MAML3: variants seen among roughly 807,000 people sequenced by gnomAD.
The protein encoded by MAML3 is mastermind like transcriptional coactivator 3, also known as mastermind-like protein 3.
A neutral mutation model predicts 101.9 loss-of-function variants in MAML3; 27 were observed. The observed-to-expected ratio is 0.27, with a 90% CI of 0.20 to 0.37. The LOEUF (loss-of-function observed/expected upper bound fraction) is 0.37, where lower values mean the gene tolerates loss of function less well. MAML3 is among the 10% of genes least tolerant of loss of function. MAML3 has a pLI of 1.00. For synonymous variants in MAML3, 501 were observed against 555.9 expected (o/e 0.90, Z 1.39); for missense variants, 1,316 against 1,444.9 (o/e 0.91, Z 1.45).
chr4:139,933,559 A>AG (rs1426907740), intron 1 of MAML3, among the ~76,000 whole-genome samples: 1 of 152,150 alleles, frequency 6.6e-6, no homozygotes, highest in East Asian at 1.9e-4. Flanking sequence ...CACCACAAAA[A>AG]GGTCTTTTTC....
intron 1 of MAML3, among the ~76,000 whole-genome samples, chr4:140,031,018 C>G (rs912620523): frequency 3.9e-5 from 6 of 152,182 alleles, no homozygotes; most frequent in Non-Finnish European, 7.3e-5. Context: ...TTAAAACCCA[C>G]CAGAAAACAG....
At chr4:139,940,811 A>C (rs1360948177) in intron 1 of MAML3, among the ~76,000 whole-genome samples, 5 of 152,224 alleles carry the variant, frequency 3.3e-5, no homozygotes, top group Non-Finnish European at 7.3e-5. Context: ...CTCTAAGAGC[A>C]GACTGCAACT....
intron 1 of MAML3, among the ~76,000 whole-genome samples, chr4:139,906,528 T>C (rs908417765): frequency 1.9e-4 from 29 of 152,204 alleles, no homozygotes; most frequent in African/African-American, 6.8e-4. Context: ...ACCAGGGCCA[T>C]AATGTAACTC....
chr4:140,030,123 A>G (rs1401150828), intron 1 of MAML3, among the ~76,000 whole-genome samples: 2 of 151,986 alleles, frequency 1.3e-5, no homozygotes, highest in Non-Finnish European at 2.9e-5. Flanking sequence ...TTCCCTTCTA[A>G]TTATTTTCCA....
At chr4:140,107,800 C>T (rs370848755) in intron 1 of MAML3, among the ~76,000 whole-genome samples, 2 of 151,022 alleles carry the variant, frequency 1.3e-5, no homozygotes, top group Admixed American at 6.6e-5. Flanking sequence ...CCACCATGCC[C>T]GACCAAAAAA....
chr4:139,946,785 T>C (rs989848983), intron 1 of MAML3, among the ~76,000 whole-genome samples: 2 of 152,132 alleles, frequency 1.3e-5, no homozygotes, highest in South Asian at 2.1e-4. Context: ...CATCAGTTCA[T>C]TGAGGGTCAA....
chr4:139,814,718 G>A (rs918212731), intron 2 of MAML3, among the ~76,000 whole-genome samples: 2 of 151,918 alleles, frequency 1.3e-5, no homozygotes, highest in African/African-American at 2.4e-5. Context: ...GTAGTTTCTG[G>A]GGCACACAGT....
chr4:139,920,133 A>T (rs1454793916), intron 1 of MAML3, among the ~76,000 whole-genome samples: 1 of 152,236 alleles, frequency 6.6e-6, no homozygotes, highest in African/African-American at 2.4e-5. Flanking sequence ...CTAATGACTA[A>T]TGACTCTAGT....
At chr4:140,041,864 G>C (rs1194732555) in intron 1 of MAML3, among the ~76,000 whole-genome samples, 1 of 152,156 alleles carries the variant, frequency 6.6e-6, no homozygotes, top group African/African-American at 2.4e-5. Context: ...CCTTCATCCA[G>C]AGAGCCTATT....
chr4:139,960,418 A>C (rs920905280), intron 1 of MAML3, among the ~76,000 whole-genome samples: 3 of 152,210 alleles, frequency 2.0e-5, no homozygotes, highest in Non-Finnish European at 4.4e-5. Flanking sequence ...AGAAAAACAG[A>C]ATCCTGGATT....
At chr4:139,898,100 C>G (rs1403350372) in intron 1 of MAML3, among the ~76,000 whole-genome samples, 1 of 152,196 alleles carries the variant, frequency 6.6e-6, no homozygotes, top group African/African-American at 2.4e-5. Context: ...AAGAGACCCT[C>G]CATGACATTC....
chr4:140,101,347 C>T (rs1046009602), intron 1 of MAML3, among the ~76,000 whole-genome samples: 1 of 152,164 alleles, frequency 6.6e-6, no homozygotes, highest in Non-Finnish European at 1.5e-5. Context: ...TAGAATAGAG[C>T]TCCCAAGTCA....
At position 140,064,297 on chromosome 4, in the gene MAML3, G is replaced by A. The variant is rs147107438; in HGVS notation, c.468+88563C>T. Among the ~76,000 whole-genome samples the A allele has an allele frequency of 1.5e-4, 23 of 152,270 alleles. No individual in the cohort carries two copies. In the East Asian group the frequency reaches 3.9e-3, roughly 26 times the overall value. ...GTACCTACTGCAATGACTGAATTGA[G>A]AGGTAAATCCAATTATTTCATAAGC... is the stretch of plus-strand genomic sequence containing the variant. On this transcript the variant is annotated intron_variant, in intron 1 of 4. Coordinates refer to ENST00000509479, the MANE Select transcript of MAML3 (RefSeq NM_018717.5).
At chr4:139,723,495 A>G (rs1361010042) in intron 4 of MAML3, among the ~76,000 whole-genome samples, 1 of 152,072 alleles carries the variant, frequency 6.6e-6, no homozygotes, top group African/African-American at 2.4e-5. Flanking sequence ...TATTTTTAGT[A>G]GAGACGGGGT....
At chr4:139,750,558 T>C (rs765585241) in intron 2 of MAML3, among the ~76,000 whole-genome samples, 11 of 152,190 alleles carry the variant, frequency 7.2e-5, no homozygotes, top group Non-Finnish European at 1.5e-4. Context: ...ATCTGAACCA[T>C]ATTACGCCAC....
rs142759262 is a variant in MAML3 at position 139,784,038 on chromosome 4, T to C, written c.2080-53371A>G. On this transcript the variant is annotated intron_variant, in intron 2 of 4. Transcript: ENST00000509479. ...TGTGGGGGAGCCACAGATATTAAAATGCATATGTTTACCTTCCTGAGCATC... is the reference window on the plus strand; with the variant it reads ...TGTGGGGGAGCCACAGATATTAAAACGCATATGTTTACCTTCCTGAGCATC... Among the ~76,000 whole-genome samples, 18 of 152,324 alleles carry C rather than the reference T, an allele frequency of 1.2e-4. No homozygotes were observed. The East Asian group carries it at 3.3e-3, about 28-fold the overall frequency.
chr4:140,139,601 G>A (rs745683401), intron 1 of MAML3, among the ~76,000 whole-genome samples: 7 of 152,042 alleles, frequency 4.6e-5, no homozygotes, highest in East Asian at 1.9e-4. Flanking sequence ...AATCATCTCC[G>A]GACTCTTTCA....
At position 139,719,772 on chromosome 4, in the gene MAML3, G is replaced by C; in HGVS notation, c.2968C>G (p.Leu990Val). 1.2e-6 allele frequency: 2 copies of C among 1,613,712 alleles called. No individual in the cohort carries two copies. The highest frequency in any genetic ancestry group is 1.7e-6 in the Non-Finnish European group (2 of 1,179,894). The change falls in exon 5 of 5, where the codon CTT becomes GTT. Residue 990 changes from leucine to valine, a missense_variant. Coordinates refer to ENST00000509479, the MANE Select transcript of MAML3 (RefSeq NM_018717.5). ...GTCAGTCTCGGCTGCCCAGCTTGAA[G>C]AGGGTAGCTGGCGCCATTGTTGAAT... Reference protein sequence around the residue: ...GPFNNGASYPLQAGQPRLTKQ... With the variant: ...GPFNNGASYPVQAGQPRLTKQ...
intron 2 of MAML3, among the ~76,000 whole-genome samples, chr4:139,864,416 C>T (rs769437799): frequency 2.6e-5 from 4 of 152,140 alleles, no homozygotes; most frequent in South Asian, 2.1e-4. Flanking sequence ...CGGCGGCTCA[C>T]GCCTGTAATC....
Sources: allele counts gnomAD v4.1 joint callset (sites outside exome capture counted in the v4.1 genomes callset), GRCh38; gene constraint gnomAD v4.1.1; transcripts MANE v1.5; gene names NCBI Gene and HGNC (gene_info 2026-07-23, HGNC 2026-07-21).